CDH2: variants seen among roughly 807,000 people sequenced by gnomAD.
The protein encoded by CDH2 is cadherin 2.
Under a neutral mutation model 92.0 loss-of-function variants are expected in CDH2, and 17 were observed. That is an observed-to-expected ratio of 0.18 (90% CI 0.13 to 0.28). The LOEUF is 0.28. Among genes scored for constraint, CDH2 ranks in the 10% least tolerant of loss-of-function variants. The probability of loss-of-function intolerance (pLI) is 1.00; values close to 1 mark genes in which losing one functional copy is unlikely to be tolerated. For missense variants in CDH2, 862 were observed against 1,133.1 expected (o/e 0.76, Z 3.44); for synonymous variants, 419 against 415.9 (o/e 1.01, Z -0.09).
chr18:28,088,845 T>A (rs913248160), intron 2 of CDH2, among the ~76,000 whole-genome samples: 4 of 152,114 alleles, frequency 2.6e-5, no homozygotes, highest in African/African-American at 9.7e-5. Context: ...AGGCAGATAT[T>A]GCATATCAGG....
chr18:27,985,318 T>C (rs2143953070), intron 12 of CDH2, 85 bp from the exon 13 acceptor site: 1 of 832,572 alleles, frequency 1.2e-6, no homozygotes, highest in Non-Finnish European at 1.9e-6. Flanking sequence ...ATGTATTTAC[T>C]ACCTAATAGT....
At chr18:28,126,197 A>C (rs1342384599) in intron 2 of CDH2, among the ~76,000 whole-genome samples, 1 of 152,210 alleles carries the variant, frequency 6.6e-6, no homozygotes, top group Non-Finnish European at 1.5e-5. Context: ...ACAGATATGC[A>C]TGACTGTTCG....
chr18:28,106,750 A>T (rs920450723), intron 2 of CDH2, among the ~76,000 whole-genome samples: 1 of 152,174 alleles, frequency 6.6e-6, no homozygotes, highest in African/African-American at 2.4e-5. Flanking sequence ...AAAGAAATCA[A>T]ATTCAAGTCT....
intron 2 of CDH2, among the ~76,000 whole-genome samples, chr18:28,083,724 G>A (rs992660040): frequency 3.2e-4 from 49 of 152,236 alleles, no homozygotes; most frequent in African/African-American, 1.1e-3. Flanking sequence ...TTTTAAGGTC[G>A]ATTGAAAATA....
intron 1 of CDH2, among the ~76,000 whole-genome samples, chr18:28,173,157 T>G (rs909164615): frequency 3.9e-5 from 6 of 152,256 alleles, no homozygotes; most frequent in Admixed American, 1.3e-4. Flanking sequence ...GTCTGAACTT[T>G]TAGAAGGTTA....
chr18:28,104,617 CACAA>C (rs906134317), intron 2 of CDH2, among the ~76,000 whole-genome samples: 3 of 151,106 alleles, frequency 2.0e-5, no homozygotes, highest in Admixed American at 1.3e-4. Context: ...ATGATTAATT[CACAA>C]ACAGAATTAA....
At chr18:28,167,166 A>G (rs1345482160) in intron 1 of CDH2, among the ~76,000 whole-genome samples, 1 of 152,116 alleles carries the variant, frequency 6.6e-6, no homozygotes, top group East Asian at 1.9e-4. Flanking sequence ...TTCAGGTCAG[A>G]AAGATATTTA....
chr18:27,941,839 C>T (rs1455009729), intron 6 of CDH2, among the ~76,000 whole-genome samples: 1 of 152,142 alleles, frequency 6.6e-6, no homozygotes, highest in South Asian at 2.1e-4. Flanking sequence ...CACTTCCAGG[C>T]AATTTAATCG....
At chr18:28,058,616 T>C (rs2014341561) in intron 2 of CDH2, among the ~76,000 whole-genome samples, 1 of 152,238 alleles carries the variant, frequency 6.6e-6, no homozygotes, top group African/African-American at 2.4e-5. Context: ...TCCTTGTTTA[T>C]GCCTACTTTT....
chr18:28,005,755 C>T, intron 6 of CDH2, 94 bp downstream of exon 6: 1 of 753,436 alleles, frequency 1.3e-6, no homozygotes, highest in Non-Finnish European at 2.0e-6. Flanking sequence ...ATCCAAAAAG[C>T]CTCATATGAT....
At chr18:28,090,331 A>G (rs1042433165) in intron 2 of CDH2, among the ~76,000 whole-genome samples, 6 of 152,210 alleles carry the variant, frequency 3.9e-5, no homozygotes, top group Admixed American at 3.9e-4. Context: ...GCATTGGCTG[A>G]CGTATGGATT....
At chr18:28,016,488 TAGG>T (rs1174738953) in intron 2 of CDH2, among the ~76,000 whole-genome samples, 1 of 152,146 alleles carries the variant, frequency 6.6e-6, no homozygotes, top group African/African-American at 2.4e-5. Context: ...TACTTTTTAT[TAGG>T]TTGTTGGTAG....
intron 2 of CDH2, among the ~76,000 whole-genome samples, chr18:28,036,122 TTTG>T (rs780714311): frequency 6.6e-6 from 1 of 152,174 alleles, no homozygotes; most frequent in Non-Finnish European, 1.5e-5. Context: ...GCAAATACAG[TTTG>T]TTGTTAAGTA....
intron 1 of CDH2, among the ~76,000 whole-genome samples, chr18:28,170,792 A>C (rs936437355): frequency 1.3e-5 from 2 of 152,222 alleles, no homozygotes; most frequent in African/African-American, 4.8e-5. Context: ...AATTTCTTAA[A>C]TCATTTCTTA....
intron 2 of CDH2, among the ~76,000 whole-genome samples, chr18:28,105,811 C>T (rs963358349): frequency 3.3e-5 from 5 of 152,096 alleles, no homozygotes; most frequent in African/African-American, 7.2e-5. Flanking sequence ...TATCCTAATA[C>T]GTCTTACAAA....
At chr18:28,111,746 C>T (rs2015416214) in intron 2 of CDH2, among the ~76,000 whole-genome samples, 2 of 152,082 alleles carry the variant, frequency 1.3e-5, no homozygotes, top group South Asian at 4.2e-4. Flanking sequence ...TGTTTAAACC[C>T]AGTATACTAA....
At chr18:28,075,510 C>T (rs1376470084) in intron 2 of CDH2, among the ~76,000 whole-genome samples, 1 of 152,164 alleles carries the variant, frequency 6.6e-6, no homozygotes, top group Non-Finnish European at 1.5e-5. Context: ...TGACATGTTG[C>T]TGGGCAATGG....
chr18:27,941,773 C>G (rs1363905141), intron 6 of CDH2, among the ~76,000 whole-genome samples: 1 of 152,118 alleles, frequency 6.6e-6, no homozygotes, highest in African/African-American at 2.4e-5. Context: ...CTTTTTATGC[C>G]AAAGTCCACA....
chr18:28,023,040 G>T (rs1408674738), intron 2 of CDH2, among the ~76,000 whole-genome samples: 2 of 151,888 alleles, frequency 1.3e-5, no homozygotes, highest in Non-Finnish European at 2.9e-5. Context: ...TTGAAAAAAG[G>T]TATCTTTTTA....
Sources: allele counts gnomAD v4.1 joint callset (sites outside exome capture counted in the v4.1 genomes callset), GRCh38; gene constraint gnomAD v4.1.1; transcripts MANE v1.5; gene names NCBI Gene and HGNC (gene_info 2026-07-23, HGNC 2026-07-21).